The following RASGRP1 variants were observed in gnomAD, a reference collection of about 807,000 sequenced individuals.
RASGRP1 encodes RAS guanyl releasing protein 1.
RASGRP1 carries 37 observed loss-of-function variants against 95.1 expected under a neutral mutation model. The ratio of observed to expected loss-of-function variants is 0.39; its 90% CI spans 0.30 to 0.51. The LOEUF is 0.51. Ranked by LOEUF, RASGRP1 falls within the 20% of genes least tolerant of loss-of-function variation. RASGRP1 has a pLI of 0.80. For synonymous variants in RASGRP1, 325 were observed against 353.4 expected, an observed-to-expected ratio of 0.92 and a Z score of 0.90; for missense variants, 711 against 965.4, an observed-to-expected ratio of 0.74 and a Z score of 3.49.
intron 1 of RASGRP1, among the ~76,000 whole-genome samples, chr15:38,561,758 G>A (rs748274767): frequency 2.0e-5 from 3 of 152,194 alleles, no homozygotes; most frequent in Non-Finnish European, 2.9e-5. Context: ...ATTGGTTATT[G>A]GGCATCTGCT....
In RASGRP1 at chr15:38,490,116, T is replaced by G. The variant is rs1214276149; in HGVS notation, c.*438A>C. The G allele has an allele frequency of 6.5e-6, 1 of 153,274 alleles. No homozygotes were observed. Among genetic ancestry groups the G allele is most frequent in the African/African-American group, 2.4e-5 (1 of 41,462 alleles). 9.5% of individuals were successfully genotyped at this position (153,274 alleles called of 1,614,324 possible). A position where few individuals can be genotyped will look rare whatever the true frequency, so the allele number is the denominator to read the frequency against. ...CTGGGATACAGAGGAAATCTACTTTTGGAATATGGGTAGTTTTCTATTATT... is the reference window on the plus strand; with the variant it reads ...CTGGGATACAGAGGAAATCTACTTTGGGAATATGGGTAGTTTTCTATTATT... On this transcript the variant is annotated 3_prime_UTR_variant, in exon 17 of 17. Transcript: ENST00000310803.
intron 8 of RASGRP1, among the ~76,000 whole-genome samples, chr15:38,509,750 T>A (rs1289671422): frequency 6.6e-6 from 1 of 152,158 alleles, no homozygotes; most frequent in Non-Finnish European, 1.5e-5. Context: ...ATAAAATTTA[T>A]GAATTATTTC....
chr15:38,564,239 G>A (rs1212547712), intron 1 of RASGRP1, among the ~76,000 whole-genome samples: 1 of 152,210 alleles, frequency 6.6e-6, no homozygotes, highest in Non-Finnish European at 1.5e-5. Context: ...CGGGCAGCGC[G>A]GAAAGTCCGC....
At chr15:38,504,767 GGTTT>G (rs1456301564) in intron 10 of RASGRP1, 2 of 152,172 alleles carry the variant, frequency 1.3e-5, no homozygotes, top group East Asian at 3.8e-4. Flanking sequence ...CAGCTCAGTA[GGTTT>G]GTTTACACCA....
At chr15:38,491,114 A>G (rs1890562939) in intron 16 of RASGRP1, among the ~76,000 whole-genome samples, 1 of 152,154 alleles carries the variant, frequency 6.6e-6, no homozygotes, top group African/African-American at 2.4e-5. Context: ...ATTGAAAACA[A>G]ATTTAACTTT....
rs200094066 is a variant in RASGRP1, at chr15:38,538,785, T to TC, written c.221-12382dup. 3.4e-4 allele frequency among the ~76,000 whole-genome samples: 51 copies of TC among 152,140 alleles called. No homozygotes were observed. The East Asian group carries it at 9.7e-3, about 29-fold the overall frequency. Reference sequence around the variant, plus strand: ...CCCACCCCTTCCAACAGAGAGATAATCCAGAGATGGCACTCAAGATAAGAA... The same window carrying TC: ...CCCACCCCTTCCAACAGAGAGATAATCCCAGAGATGGCACTCAAGATAAGAA... On this transcript the variant is annotated intron_variant, in intron 2 of 16. Coordinates refer to ENST00000310803, the MANE Select transcript of RASGRP1 (RefSeq NM_005739.4).
chr15:38,502,997 C>T, intron 11 of RASGRP1: 2 of 481,836 alleles, frequency 4.2e-6, no homozygotes, highest in Non-Finnish European at 7.4e-6. Context: ...CAAATGCATC[C>T]CAATACTTCT....
chr15:38,516,410 A>G, intron 5 of RASGRP1, 60 bp from the exon 6 acceptor site: 2 of 1,530,964 alleles, frequency 1.3e-6, no homozygotes, highest in Non-Finnish European at 9.0e-7. Flanking sequence ...GCTTTTTGCA[A>G]GTAAATCCAT....
intron 2 of RASGRP1, among the ~76,000 whole-genome samples, chr15:38,532,792 T>C (rs577117315): frequency 6.6e-6 from 1 of 152,354 alleles, no homozygotes; most frequent in East Asian, 1.9e-4. Context: ...TCCTAGGTAC[T>C]AAAGGAGATC....
rs1029193213 is a variant in RASGRP1, at chr15:38,489,667, C to G, written c.*887G>C. The G allele has an allele frequency of 6.6e-6, 1 of 151,576 alleles. No individual in the cohort carries two copies. The highest frequency in any genetic ancestry group is 1.5e-5 in the Non-Finnish European group (1 of 67,780). 9.4% of individuals were successfully genotyped at this position (151,576 alleles called of 1,614,324 possible). ...AAATTCATTTCAAAAAGAGAACTTT[C>G]AAAATAGTTTACTTCAGAAGAGAAA... On this transcript the variant is annotated 3_prime_UTR_variant, in exon 17 of 17. Transcript: ENST00000310803.
At chr15:38,491,440 A>T (rs1450847254) in intron 16 of RASGRP1, among the ~76,000 whole-genome samples, 1 of 152,208 alleles carries the variant, frequency 6.6e-6, no homozygotes, top group African/African-American at 2.4e-5. Context: ...ACACCCTGAA[A>T]ATAGGTTGTA....
intron 2 of RASGRP1, among the ~76,000 whole-genome samples, chr15:38,533,971 G>A (rs183517597): frequency 3.0e-4 from 45 of 152,344 alleles, no homozygotes; most frequent in African/African-American, 1.1e-3. Context: ...CTCAGGACAG[G>A]TGTGGGCCAC....
At chr15:38,542,872 TG>T in intron 2 of RASGRP1, among the ~76,000 whole-genome samples, 1 of 140,720 alleles carries the variant, frequency 7.1e-6, no homozygotes, top group East Asian at 2.0e-4. Flanking sequence ...CACATATATG[TG>T]TATATATATA....
Position 38,516,164 on chromosome 15 carries a change from G to A in RASGRP1, c.675+33C>T, listed in dbSNP as rs191059700. Reference sequence around the variant, plus strand: ...CATCTTATTTTCAGAAATATCCCAGGGAAGATTTTTCTCCTGCCCCTTGCA... The same window carrying A: ...CATCTTATTTTCAGAAATATCCCAGAGAAGATTTTTCTCCTGCCCCTTGCA... On this transcript the variant is annotated intron_variant, in intron 6 of 16. Coordinates refer to ENST00000310803, the MANE Select transcript of RASGRP1 (RefSeq NM_005739.4). The A allele has an allele frequency of 1.8e-3, 2,748 of 1,534,284 alleles. 4 individuals carry two copies. The highest frequency in any genetic ancestry group is 2.0e-3 in the Non-Finnish European group (2,166 of 1,109,782).
At chr15:38,526,535 A>G in intron 2 of RASGRP1, 131 bp from the exon 3 acceptor site, 1 of 624,518 alleles carries the variant, frequency 1.6e-6, no homozygotes, top group Admixed American at 2.8e-5. Flanking sequence ...TGCCCCTAGC[A>G]CAGCCCCCCT....
At chr15:38,525,578 G>A (rs1892185692) in intron 3 of RASGRP1, among the ~76,000 whole-genome samples, 1 of 152,140 alleles carries the variant, frequency 6.6e-6, no homozygotes, top group Admixed American at 6.6e-5. Context: ...TATTTTTTCT[G>A]TGTGCTGTAA....
chr15:38,514,276 G>C (rs1891668733), intron 6 of RASGRP1, among the ~76,000 whole-genome samples: 1 of 152,128 alleles, frequency 6.6e-6, no homozygotes, highest in Non-Finnish European at 1.5e-5. Context: ...CTATGAGTAG[G>C]ACCAAAATCG....
chr15:38,537,126 C>T (rs1412194812), intron 2 of RASGRP1, among the ~76,000 whole-genome samples: 1 of 151,990 alleles, frequency 6.6e-6, no homozygotes, highest in Non-Finnish European at 1.5e-5. Context: ...ATGACCACTA[C>T]TCAAGGAGTG....
At chr15:38,528,638 C>G (rs1194778442) in intron 2 of RASGRP1, among the ~76,000 whole-genome samples, 1 of 152,154 alleles carries the variant, frequency 6.6e-6, no homozygotes, top group African/African-American at 2.4e-5. Flanking sequence ...TCAGCATGCT[C>G]TGTGGTTGAG....
Sources: gnomAD v4.1 joint callset for allele counts (sites outside exome capture counted in the v4.1 genomes callset) on GRCh38, gnomAD v4.1.1 for gene constraint, MANE v1.5 for transcripts, NCBI Gene and HGNC (gene_info 2026-07-23, HGNC 2026-07-21) for gene names.